Variants in MORC1 observed in about 807,000 individuals in gnomAD.
MORC1 encodes MORC family CW-type zinc finger protein 1.
A neutral mutation model predicts 134.9 loss-of-function variants in MORC1; 59 were observed. The observed-to-expected ratio is 0.44, with a 90% CI of 0.35 to 0.54. The LOEUF is 0.54. MORC1 is among the 20% of genes least tolerant of loss of function. The pLI is 0.00. For synonymous variants in MORC1, 395 were observed against 391.7 expected (o/e 1.01, Z -0.10); for missense variants, 947 against 1,134.5 (o/e 0.83, Z 2.37).
At chr3:109,048,108 CTG>C in intron 14 of MORC1, among the ~76,000 whole-genome samples, 1 of 152,250 alleles carries the variant, frequency 6.6e-6, no homozygotes, top group Non-Finnish European at 1.5e-5. Flanking sequence ...AAAATCTAGA[CTG>C]TGTGATAACT....
At chr3:109,022,701 T>C (rs1245065793) in intron 17 of MORC1, among the ~76,000 whole-genome samples, 2 of 152,232 alleles carry the variant, frequency 1.3e-5, no homozygotes, top group East Asian at 3.8e-4. Context: ...CTAACCTATG[T>C]AGAGTCAACC....
chr3:108,975,651 A>G (rs1947527588), intron 24 of MORC1, among the ~76,000 whole-genome samples: 1 of 152,206 alleles, frequency 6.6e-6, no homozygotes, highest in Non-Finnish European at 1.5e-5. Context: ...CAAAATGGTG[A>G]TAATAAAAAT....
chr3:108,966,927 A>G (rs1032556693), intron 26 of MORC1, among the ~76,000 whole-genome samples: 2 of 152,172 alleles, frequency 1.3e-5, no homozygotes, highest in African/African-American at 4.8e-5. Context: ...AGGACCACCA[A>G]TGCTATTATG....
intron 21 of MORC1, among the ~76,000 whole-genome samples, chr3:108,990,197 T>C (rs1948008187): frequency 6.6e-6 from 1 of 152,180 alleles, no homozygotes. Context: ...GAAAATGGAC[T>C]AATATACCTA....
At chr3:109,013,124 T>G (rs1948735759) in intron 17 of MORC1, among the ~76,000 whole-genome samples, 1 of 152,154 alleles carries the variant, frequency 6.6e-6, no homozygotes, top group South Asian at 2.1e-4. Context: ...TATAGTTGCT[T>G]CTTTTTTGTC....
intron 14 of MORC1, among the ~76,000 whole-genome samples, chr3:109,045,822 C>T (rs1342262265): frequency 6.6e-6 from 1 of 152,150 alleles, no homozygotes; most frequent in South Asian, 2.1e-4. Flanking sequence ...AAGCACAGTA[C>T]GCTCCCCTGC....
At chr3:109,063,095 A>G (rs1950119145) in intron 10 of MORC1, 57 bp downstream of exon 10, 3 of 1,306,566 alleles carry the variant, frequency 2.3e-6, no homozygotes, top group Middle Eastern at 1.9e-4. Context: ...TAAGTGCACA[A>G]TTAACATTTG....
chr3:108,991,012 G>C (rs1407113032), intron 21 of MORC1, among the ~76,000 whole-genome samples: 2 of 151,626 alleles, frequency 1.3e-5, no homozygotes, highest in African/African-American at 4.9e-5. Context: ...ATATTCCTTA[G>C]GGTACTGGAG....
intron 16 of MORC1, 48 bp downstream of exon 16, chr3:109,032,672 T>G: frequency 7.6e-7 from 1 of 1,321,770 alleles, no homozygotes; most frequent in African/African-American, 1.5e-5. Flanking sequence ...CATATGAACT[T>G]TAGAAATTAA....
rs937417015 is a variant in MORC1 at position 109,061,925 on chromosome 3, C to T, written c.966+63G>A. The T allele has an allele frequency of 2.8e-6, 4 of 1,424,542 alleles. No individual in the cohort carries two copies. In the East Asian group the frequency reaches 9.1e-5, roughly 32 times the overall value. The allele number at this position is 1,424,542 out of a possible 1,614,324, so 88.2% of individuals were successfully genotyped here. ...AAGTAGATGATAAGAGACAACTATG[C>T]ACAGGAAAAAGCAAATGACACAATT... On this transcript the variant is annotated intron_variant, in intron 11 of 27. Coordinates refer to ENST00000232603, the MANE Select transcript of MORC1 (RefSeq NM_014429.4).
At chr3:108,991,651 G>T (rs144540650) in intron 21 of MORC1, among the ~76,000 whole-genome samples, 5 of 152,226 alleles carry the variant, frequency 3.3e-5, no homozygotes, top group Non-Finnish European at 5.9e-5. Flanking sequence ...GGCAAACAAT[G>T]GCTTCATCGG....
intron 1 of MORC1, among the ~76,000 whole-genome samples, chr3:109,117,492 T>C (rs962094241): frequency 6.6e-6 from 1 of 152,124 alleles, no homozygotes; most frequent in African/African-American, 2.4e-5. Context: ...AAATGACACC[T>C]GAGAAGCTCT....
intron 6 of MORC1, 106 bp from the exon 7 acceptor site, chr3:109,095,174 CTAAGT>C (rs1950806169): frequency 2.7e-6 from 3 of 1,106,684 alleles, no homozygotes; most frequent in East Asian, 2.7e-5. Flanking sequence ...TTACAAAACA[CTAAGT>C]TAAAAGTTCA....
At chr3:109,011,960 T>G (rs985489998) in intron 17 of MORC1, among the ~76,000 whole-genome samples, 4 of 152,230 alleles carry the variant, frequency 2.6e-5, no homozygotes, top group Non-Finnish European at 5.9e-5. Flanking sequence ...TTAATTTTGA[T>G]GAGGTACAAT....
intron 18 of MORC1, 45 bp downstream of exon 18, chr3:109,006,984 G>A: frequency 6.6e-7 from 1 of 1,519,592 alleles, no homozygotes; most frequent in Non-Finnish European, 9.0e-7. Context: ...CCTTCACATG[G>A]TTAAAACATG....
chr3:109,098,041 T>C (rs1273547304), intron 6 of MORC1, among the ~76,000 whole-genome samples: 5 of 152,226 alleles, frequency 3.3e-5, no homozygotes, highest in South Asian at 4.1e-4. Context: ...TAGAGATACA[T>C]AGGTAAATAT....
chr3:108,995,618 C>A (rs1202313459), intron 21 of MORC1, among the ~76,000 whole-genome samples: 1 of 151,992 alleles, frequency 6.6e-6, no homozygotes, highest in Admixed American at 6.5e-5. Flanking sequence ...AGTGGAGACC[C>A]CAAGAAGATG....
At chr3:109,040,419 G>A (rs1401839924) in intron 14 of MORC1, among the ~76,000 whole-genome samples, 3 of 32,278 alleles carry the variant, frequency 9.3e-5, no homozygotes, top group Middle Eastern at 0.025. Context: ...AAGGAAGGAA[G>A]GAAGGAAGGA....
chr3:109,097,645 T>C (rs1950853397), intron 6 of MORC1, among the ~76,000 whole-genome samples: 1 of 152,128 alleles, frequency 6.6e-6, no homozygotes, highest in South Asian at 2.1e-4. Flanking sequence ...ATCAGGAAGA[T>C]GGGACTGAGA....
Sources: gnomAD v4.1 joint callset for allele counts (sites outside exome capture counted in the v4.1 genomes callset) on GRCh38, gnomAD v4.1.1 for gene constraint, MANE v1.5 for transcripts, NCBI Gene and HGNC (gene_info 2026-07-23, HGNC 2026-07-21) for gene names.